Variants in ANLN observed in about 807,000 individuals in gnomAD.
ANLN encodes the protein anillin, actin binding protein, also known as anillin.
A neutral mutation model predicts 135.1 loss-of-function variants in ANLN; 59 were observed. That is an observed-to-expected ratio of 0.44 (90% CI 0.35 to 0.54). The LOEUF is 0.54. Ranked by LOEUF, ANLN falls within the 20% of genes least tolerant of loss-of-function variation. ANLN has a pLI of 0.00. For synonymous variants in ANLN, 406 were observed against 456.4 expected, an observed-to-expected ratio of 0.89 and a Z score of 1.41; for missense variants, 1,182 against 1,340.0, an observed-to-expected ratio of 0.88 and a Z score of 1.84.
chr7:36,434,452 T>C (rs774071575), intron 20 of ANLN, among the ~76,000 whole-genome samples: 1 of 152,214 alleles, frequency 6.6e-6, no homozygotes, highest in Non-Finnish European at 1.5e-5. Flanking sequence ...GGCTCAACCA[T>C]TGAAGGCTCA....
chr7:36,414,564 A>C (rs1194583148), intron 7 of ANLN, among the ~76,000 whole-genome samples: 1 of 152,156 alleles, frequency 6.6e-6, no homozygotes, highest in African/African-American at 2.4e-5. Flanking sequence ...GTGACAGGGG[A>C]AATACTGTAT....
chr7:36,438,859 G>A (rs985441167), intron 20 of ANLN, among the ~76,000 whole-genome samples: 1 of 152,146 alleles, frequency 6.6e-6, no homozygotes, highest in Admixed American at 6.5e-5. Context: ...GGGTGGTATT[G>A]TGTGGTGTGA....
rs368391089 is a variant in ANLN, at chr7:36,411,193, G to A, written c.1395+27G>A. On this transcript the variant is annotated intron_variant, in intron 7 of 23. Coordinates refer to ENST00000265748, the MANE Select transcript of ANLN (RefSeq NM_018685.5). ...TAATGTAAACAAGAAATATAAAAAC[G>A]AACTTGGTCCCCAAATAGTTGGGAT... 1.3e-5 allele frequency: 20 copies of A among 1,557,484 alleles called. No homozygotes were observed. In the South Asian group the frequency reaches 1.3e-4, roughly 10 times the overall value.
At chr7:36,406,840 A>G (rs1787212879) in intron 4 of ANLN, among the ~76,000 whole-genome samples, 1 of 152,210 alleles carries the variant, frequency 6.6e-6, no homozygotes. Context: ...GCCTCTTCTT[A>G]GTCATTAAGG....
chr7:36,419,414 C>T lies in ANLN; in HGVS notation c.1804C>T (p.Leu602=). 4 of 1,614,138 alleles carry T rather than the reference C, an allele frequency of 2.5e-6. No homozygotes were observed. In the African/African-American group the frequency reaches 5.3e-5, roughly 22 times the overall value. ...AAGCAGCGAAGAACAGGAAGATGCA[C>T]TGAATATCTCCTCAATGTCTTTACT... is the stretch of plus-strand genomic sequence containing the variant. ...AESSEEQEDA[L]NISSMSLLAP... is the part of the protein sequence containing the mutation. Residue 602 remains leucine (L), a synonymous_variant, in exon 10 of 24, where the codon CTG becomes TTG. Coordinates refer to ENST00000265748, the MANE Select transcript of ANLN (RefSeq NM_018685.5).
chr7:36,449,622 A>G, intron 22 of ANLN, 43 bp from the exon 23 acceptor site: 1 of 1,489,342 alleles, frequency 6.7e-7, no homozygotes, highest in Non-Finnish European at 9.2e-7. Context: ...ACTGACTTAA[A>G]TAGTCTTATT....
rs1000065839 is a variant in ANLN at position 36,436,782 on chromosome 7, C to T, written c.2884-2422C>T. ...GTGTATCTTTGAAGAAATGTCTATT[C>T]AAGTCCTTTGCCAAATTTTCAGTTT... On this transcript the variant is annotated intron_variant, in intron 20 of 23. Coordinates refer to ENST00000265748, the MANE Select transcript of ANLN (RefSeq NM_018685.5). Among the ~76,000 whole-genome samples, 3 of 152,264 alleles carry T rather than the reference C, an allele frequency of 2.0e-5. No homozygotes were observed. The East Asian group carries it at 5.8e-4, about 29-fold the overall frequency.
chr7:36,395,547 A>G (rs1786657707), intron 1 of ANLN, among the ~76,000 whole-genome samples: 1 of 152,176 alleles, frequency 6.6e-6, no homozygotes, highest in African/African-American at 2.4e-5. Context: ...TTTGCTCTGT[A>G]AGGCAACATA....
chr7:36,413,711 C>T (rs1213695192), intron 7 of ANLN, among the ~76,000 whole-genome samples: 1 of 152,204 alleles, frequency 6.6e-6, no homozygotes, highest in African/African-American at 2.4e-5. Context: ...AGTCAAGGGG[C>T]TCGGCGTGGT....
At chr7:36,420,899 G>A (rs764938126) in intron 12 of ANLN, among the ~76,000 whole-genome samples, 155 bp downstream of exon 12, 9 of 152,140 alleles carry the variant, frequency 5.9e-5, no homozygotes, top group Non-Finnish European at 1.3e-4. Flanking sequence ...TTTGAATTCA[G>A]TTTATTTTTG....
At position 36,396,292 on chromosome 7, in the gene ANLN, G is replaced by A; in HGVS notation, c.45G>A (p.Arg15=). 6.2e-7 allele frequency: 1 copy of A among 1,606,586 alleles called. No homozygotes were observed. The highest frequency in any genetic ancestry group is 8.5e-7 in the Non-Finnish European group (1 of 1,174,502). The part of the protein sequence containing the change: ...TEKLLERTRA[R]RENLQRKMAE... Reference sequence around the variant, plus strand: ...AACTGCTGGAGCGAACCCGTGCCAGGCGAGAGAATCTTCAGAGAAAAATGG... The same window carrying A: ...AACTGCTGGAGCGAACCCGTGCCAGACGAGAGAATCTTCAGAGAAAAATGG... The change falls in exon 2 of 24, where the codon AGG becomes AGA. Residue 15 remains arginine, a synonymous_variant. Transcript: ENST00000265748.
chr7:36,452,730 T>C lies in ANLN; in HGVS notation c.*130T>C. 9.9e-7 allele frequency: 1 copy of C among 1,005,584 alleles called. No homozygotes were observed. The highest frequency in any genetic ancestry group is 1.6e-5 in the African/African-American group (1 of 62,312). 62.3% of individuals were successfully genotyped at this position (1,005,584 alleles called of 1,614,324 possible). ...GGTTTGTGCCAATATTCACTACGTATTATGCAGTATTTATATCTTTTGTAT... is the reference window on the plus strand; with the variant it reads ...GGTTTGTGCCAATATTCACTACGTACTATGCAGTATTTATATCTTTTGTAT... On this transcript the variant is annotated 3_prime_UTR_variant, in exon 24 of 24. Coordinates refer to ENST00000265748, the MANE Select transcript of ANLN (RefSeq NM_018685.5).
chr7:36,452,752 G>T lies in ANLN; in HGVS notation c.*152G>T. On this transcript the variant is annotated 3_prime_UTR_variant, in exon 24 of 24. Transcript: ENST00000265748. ...GTATTATGCAGTATTTATATCTTTT[G>T]TATGTAAAACTTTAACTGATTTCTG... The T allele has an allele frequency of 1.2e-6, 1 of 803,354 alleles. No homozygotes were observed. Among genetic ancestry groups the T allele is most frequent in the East Asian group, 2.7e-5 (1 of 37,432 alleles). The allele number at this position is 803,354 out of a possible 1,614,324, so 49.8% of individuals were successfully genotyped here. A position where few individuals can be genotyped will look rare whatever the true frequency, so the allele number is the denominator to read the frequency against.
In ANLN at chr7:36,428,443, AC is replaced by A. The variant is rs1428893592; in HGVS notation, c.2883+1416del. The A allele has an allele frequency of 5.4e-6, 4 of 738,090 alleles. No individual in the cohort carries two copies. In the East Asian group the frequency reaches 2.7e-4, roughly 49 times the overall value. 45.7% of individuals were successfully genotyped at this position (738,090 alleles called of 1,614,324 possible). On this transcript the variant is annotated intron_variant, in intron 20 of 23. Coordinates refer to ENST00000265748, the MANE Select transcript of ANLN (RefSeq NM_018685.5). Reference sequence around the variant, plus strand: ...TGATCTACATATATTTGTTTTACTAACTATCTTTTTGTTTACTTTGAATAAT... The same window carrying A: ...TGATCTACATATATTTGTTTTACTAATATCTTTTTGTTTACTTTGAATAAT...
At chr7:36,397,547 G>A (rs1335205097) in intron 2 of ANLN, among the ~76,000 whole-genome samples, 1 of 152,128 alleles carries the variant, frequency 6.6e-6, no homozygotes, top group Admixed American at 6.5e-5. Context: ...ATTATTAGAT[G>A]TGTTCATAGA....
intron 1 of ANLN, 90 bp from the exon 2 acceptor site, chr7:36,396,176 G>A (rs1217711498): frequency 2.6e-6 from 3 of 1,150,914 alleles, no homozygotes; most frequent in South Asian, 2.1e-5. Flanking sequence ...CTGTCATCCT[G>A]TATGGCAATT....
intron 23 of ANLN, among the ~76,000 whole-genome samples, chr7:36,450,310 T>C (rs1789191626): frequency 6.6e-6 from 1 of 152,220 alleles, no homozygotes; most frequent in Non-Finnish European, 1.5e-5. Context: ...TAATTAACCC[T>C]GATCTCAAGT....
intron 23 of ANLN, among the ~76,000 whole-genome samples, chr7:36,452,213 G>A (rs1789273362): frequency 6.6e-6 from 1 of 152,164 alleles, no homozygotes; most frequent in African/African-American, 2.4e-5. Context: ...CACACTACCT[G>A]TATAAAACAC....
At position 36,415,867 on chromosome 7, in the gene ANLN, C is replaced by G; in HGVS notation, c.1505C>G (p.Ser502Cys). 3 of 1,600,166 alleles carry G rather than the reference C, an allele frequency of 1.9e-6. No individual in the cohort carries two copies. The highest frequency in any genetic ancestry group is 2.6e-6 in the Non-Finnish European group (3 of 1,175,248). The change falls in exon 8 of 24, where the codon TCT becomes TGT. Residue 502 changes from serine (S) to cysteine (C), a missense_variant. Transcript: ENST00000265748. The part of the protein sequence containing the change: ...VTENQIPAKN[S>C]STEPKGFTEC... The stretch of plus-strand genomic sequence containing the variant: ...GAAAACCAGATACCAGCCAAAAATT[C>G]TAGTACAGAACCTAAAGGTCAGTGT...
Sources: allele counts gnomAD v4.1 joint callset (sites outside exome capture counted in the v4.1 genomes callset), GRCh38; gene constraint gnomAD v4.1.1; transcripts MANE v1.5; gene names NCBI Gene and HGNC (gene_info 2026-07-23, HGNC 2026-07-21).